OR6F1: variants seen among roughly 807,000 people sequenced by gnomAD.
The protein encoded by OR6F1 is olfactory receptor 6F1.
For synonymous variants in OR6F1, 144 were observed against 150.0 expected, an observed-to-expected ratio of 0.96 and a Z score of 0.29; for missense variants, 346 against 376.0, an observed-to-expected ratio of 0.92 and a Z score of 0.66.
chr1:247,712,236 T>G lies in OR6F1; in HGVS notation c.520A>C (p.Ile174Leu), dbSNP rs1323479319. ...GCAATGTCACAGAAGAAGTGGTTGA[T>G]GGCACGGGGGCCACAGAAGGACAGG... ...SGLSFCGPRA[I>L]NHFFCDIAPW... Residue 174 changes from isoleucine (I) to leucine (L), a missense_variant, in exon 3 of 3, where the codon ATC becomes CTC. Transcript: ENST00000641470. 3.7e-6 allele frequency: 6 copies of G among 1,614,088 alleles called. No homozygotes were observed. Among genetic ancestry groups the G allele is most frequent in the African/African-American group, 2.7e-5 (2 of 74,950 alleles).
At chr1:247,714,750 G>T (rs1162653241) in intron 1 of OR6F1, among the ~76,000 whole-genome samples, 3 of 152,050 alleles carry the variant, frequency 2.0e-5, no homozygotes, top group Non-Finnish European at 4.4e-5. Flanking sequence ...GGGTGACATA[G>T]AATAAGAAAC....
rs751681374 is a variant in OR6F1 at position 247,711,886 on chromosome 1, A to G, written c.870T>C (p.Tyr290=). Residue 290 remains tyrosine, a synonymous_variant, in exon 3 of 3, where the codon TAT becomes TAC. Transcript: ENST00000641470. The part of the protein sequence containing the change: ...VVTPVLNPFI[Y]TLRNKEVRET... Reference sequence around the variant, plus strand: ...CTCTTACTTCCTTATTACGAAGCGTATAGATGAAGGGGTTTAAAACTGGAG... The same window carrying G: ...CTCTTACTTCCTTATTACGAAGCGTGTAGATGAAGGGGTTTAAAACTGGAG... 2.5e-6 allele frequency: 4 copies of G among 1,613,880 alleles called. No homozygotes were observed. Among genetic ancestry groups the G allele is most frequent in the Admixed American group, 3.3e-5 (2 of 60,024 alleles).
At chr1:247,715,472 G>A (rs527529846) in intron 1 of OR6F1, among the ~76,000 whole-genome samples, 1 of 152,092 alleles carries the variant, frequency 6.6e-6, no homozygotes, top group African/African-American at 2.4e-5. Context: ...TACTTATGCT[G>A]CTGAATTTGT....
Position 247,712,135 on chromosome 1 carries a change from G to A in OR6F1, c.621C>T (p.Ile207=). The change falls in exon 3 of 3, where the codon ATC becomes ATT. Residue 207 remains isoleucine (I), a synonymous_variant. Coordinates refer to ENST00000641470, the MANE Select transcript of OR6F1 (RefSeq NM_001005286.2). ...LVAFVIAVVV[I]LSSCLITFVS... is the part of the protein sequence containing the mutation. ...CAAAGGTGATGAGGCATGAACTCAG[G>A]ATAACCACAACAGCAATCACAAAGG... is the stretch of plus-strand genomic sequence containing the variant. The A allele has an allele frequency of 6.2e-7, 1 of 1,614,204 alleles. No homozygotes were observed. The highest frequency in any genetic ancestry group is 8.5e-7 in the Non-Finnish European group (1 of 1,180,034).
chr1:247,715,916 A>G (rs1660097072), intron 1 of OR6F1, among the ~76,000 whole-genome samples: 1 of 152,176 alleles, frequency 6.6e-6, no homozygotes, highest in African/African-American at 2.4e-5. Flanking sequence ...TATTGATTGA[A>G]TACTATAATG....
At position 247,712,169 on chromosome 1, in the gene OR6F1, T is replaced by G. The variant is rs1489315586; in HGVS notation, c.587A>C (p.Glu196Ala). 6.2e-7 allele frequency: 1 copy of G among 1,614,114 alleles called. No homozygotes were observed. The highest frequency in any genetic ancestry group is 1.7e-5 in the Admixed American group (1 of 60,024). The change falls in exon 3 of 3, where the codon GAG becomes GCG. Residue 196 changes from glutamate (E) to alanine (A), a missense_variant. Coordinates refer to ENST00000641470, the MANE Select transcript of OR6F1 (RefSeq NM_001005286.2). Reference sequence around the variant, plus strand: ...AACAGCAATCACAAAGGCCACAAGCTCTACTGCCTGTGTGTTGGTGCAGGC... The same window carrying G: ...AACAGCAATCACAAAGGCCACAAGCGCTACTGCCTGTGTGTTGGTGCAGGC... ...ALACTNTQAVELVAFVIAVVV... is the reference protein window; with the variant it reads ...ALACTNTQAVALVAFVIAVVV...
At chr1:247,715,853 T>G (rs1660096297) in intron 1 of OR6F1, among the ~76,000 whole-genome samples, 1 of 152,176 alleles carries the variant, frequency 6.6e-6, no homozygotes, top group African/African-American at 2.4e-5. Flanking sequence ...ATGCACTATC[T>G]TATTTAAAAA....
In OR6F1 at chr1:247,712,752, C is replaced by A; in HGVS notation, c.4G>T (p.Asp2Tyr). 2 of 1,595,392 alleles carry A rather than the reference C, an allele frequency of 1.3e-6. No individual in the cohort carries two copies. Among genetic ancestry groups the A allele is most frequent in the Non-Finnish European group, 1.7e-6 (2 of 1,174,958 alleles). The change falls in exon 3 of 3, where the codon GAC becomes TAC. Residue 2 changes from aspartate to tyrosine, a missense_variant. Physicochemically the swap from Asp to Tyr is radical, Grantham distance 160 (BLOSUM62 -3). Coordinates refer to ENST00000641470, the MANE Select transcript of OR6F1 (RefSeq NM_001005286.2). M[D>Y]TGNKTLPQDF... is the part of the protein sequence containing the mutation. Reference sequence around the variant, plus strand: ...TGGGGCAGAGTTTTGTTGCCTGTGTCCATTGTGGTACTGAAACCAGAAAAC... The same window carrying A: ...TGGGGCAGAGTTTTGTTGCCTGTGTACATTGTGGTACTGAAACCAGAAAAC...
At chr1:247,714,014 T>C in intron 1 of OR6F1, 60 bp from the exon 2 acceptor site, 1 of 398,430 alleles carries the variant, frequency 2.5e-6, no homozygotes, top group Non-Finnish European at 4.4e-6. Flanking sequence ...CAGCCTATGG[T>C]TTTTCATTTC....
rs757043655 is a variant in OR6F1 at position 247,712,028 on chromosome 1, G to A, written c.728C>T (p.Ser243Leu). Residue 243 changes from serine (S) to leucine (L), a missense_variant, in exon 3 of 3, where the codon TCG becomes TTG. Transcript: ENST00000641470. Reference protein sequence around the residue: ...GRSKAFSTCSSHLTVVLIWYG... With the variant: ...GRSKAFSTCSLHLTVVLIWYG... ...CCAAATGAGCACCACGGTGAGATGCGAGGAGCACGTGGAGAAGGCTTTGCT... is the reference window on the plus strand; with the variant it reads ...CCAAATGAGCACCACGGTGAGATGCAAGGAGCACGTGGAGAAGGCTTTGCT... 22 of 1,614,126 alleles carry A rather than the reference G, an allele frequency of 1.4e-5. No homozygotes were observed. In the Middle Eastern group the frequency reaches 4.9e-4, roughly 36 times the overall value.
chr1:247,716,021 G>A (rs1660098575), intron 1 of OR6F1, among the ~76,000 whole-genome samples: 2 of 152,152 alleles, frequency 1.3e-5, no homozygotes, highest in Non-Finnish European at 1.5e-5. Context: ...GGGAGGTCAG[G>A]GCGGGGGGAT....
chr1:247,715,554 G>T (rs968482132), intron 1 of OR6F1, among the ~76,000 whole-genome samples: 3 of 152,118 alleles, frequency 2.0e-5, no homozygotes, highest in South Asian at 4.1e-4. Context: ...TGTATATATT[G>T]CTCTAGACTC....
At chr1:247,713,697 C>T (rs921571501) in intron 2 of OR6F1, among the ~76,000 whole-genome samples, 194 bp downstream of exon 2, 6 of 152,138 alleles carry the variant, frequency 3.9e-5, no homozygotes, top group South Asian at 2.1e-4. Context: ...AAGACTTTGG[C>T]GGCTTCATTC....
chr1:247,715,553 T>A (rs1021824877), intron 1 of OR6F1, among the ~76,000 whole-genome samples: 17 of 152,348 alleles, frequency 1.1e-4, no homozygotes, highest in African/African-American at 3.8e-4. Context: ...CTGTATATAT[T>A]GCTCTAGACT....
Position 247,713,678 on chromosome 1 carries a change from AAGAC to A in OR6F1, c.-63+209_-63+212del, listed in dbSNP as rs761610523. Among the ~76,000 whole-genome samples the A allele has an allele frequency of 6.6e-5, 10 of 152,346 alleles. No homozygotes were observed. In the East Asian group the frequency reaches 1.2e-3, roughly 18 times the overall value. ...TGTTTAGGAGACAGAGTTTTGAAGA[AAGAC>A]AGTGAAGACTTTGGCGGCTTCATTC... is the stretch of plus-strand genomic sequence containing the variant. On this transcript the variant is annotated intron_variant, in intron 2 of 2. Transcript: ENST00000641470.
intron 1 of OR6F1, among the ~76,000 whole-genome samples, chr1:247,714,896 A>G (rs900321752): frequency 3.3e-5 from 5 of 152,196 alleles, no homozygotes; most frequent in Non-Finnish European, 5.9e-5. Flanking sequence ...TCAAGTGCCA[A>G]TGTCAACTGT....
rs749795036 is a variant in OR6F1, at chr1:247,712,085, G to A, written c.671C>T (p.Thr224Ile). 1.2e-5 allele frequency: 19 copies of A among 1,614,198 alleles called. No homozygotes were observed. Among genetic ancestry groups the A allele is most frequent in the Non-Finnish European group, 1.5e-5 (18 of 1,180,010 alleles). ...TFVSYVYIISTILRIPSASGR... is the reference protein window; with the variant it reads ...TFVSYVYIISIILRIPSASGR... ...ACTGGCAGAGGGGATCCTGAGGATGGTGCTGATGATGTACACATAGGAGAC... is the reference window on the plus strand; with the variant it reads ...ACTGGCAGAGGGGATCCTGAGGATGATGCTGATGATGTACACATAGGAGAC... The change falls in exon 3 of 3, where the codon ACC (threonine) becomes ATC (isoleucine). Residue 224 changes from threonine to isoleucine, a missense_variant. Coordinates refer to ENST00000641470, the MANE Select transcript of OR6F1 (RefSeq NM_001005286.2).
At chr1:247,714,344 C>T (rs2103191342) in intron 1 of OR6F1, among the ~76,000 whole-genome samples, 1 of 152,324 alleles carries the variant, frequency 6.6e-6, no homozygotes, top group Middle Eastern at 3.4e-3. Context: ...GAGGAATATA[C>T]TCAACAGACC....
At chr1:247,715,837 A>C (rs1304491057) in intron 1 of OR6F1, among the ~76,000 whole-genome samples, 1 of 152,160 alleles carries the variant, frequency 6.6e-6, no homozygotes. Flanking sequence ...ATTTTTTCAT[A>C]GAAACATGCA....
Sources: gnomAD v4.1 joint callset for allele counts (sites outside exome capture counted in the v4.1 genomes callset) on GRCh38, gnomAD v4.1.1 for gene constraint, MANE v1.5 for transcripts, NCBI Gene and HGNC (gene_info 2026-07-23, HGNC 2026-07-21) for gene names.